The following TRIM8 variants were observed in gnomAD, a reference collection of about 807,000 sequenced individuals.
TRIM8 encodes E3 ubiquitin-protein ligase TRIM8.
TRIM8 carries 9 observed loss-of-function variants against 55.7 expected under a neutral mutation model. The observed-to-expected ratio is 0.16, with a 90% CI of 0.10 to 0.28. The LOEUF (loss-of-function observed/expected upper bound fraction) is 0.28, where lower values mean the gene tolerates loss of function less well. Ranked by LOEUF, TRIM8 falls within the 10% of genes least tolerant of loss-of-function variation. The probability of loss-of-function intolerance (pLI) is 1.00; values close to 1 mark genes in which losing one functional copy is unlikely to be tolerated. For synonymous variants in TRIM8, 335 were observed against 333.3 expected (o/e 1.01, Z -0.06); for missense variants, 556 against 736.4 (o/e 0.76, Z 2.83).
Position 102,645,211 on chromosome 10 carries a change from GCACA to G in TRIM8, c.570+37_570+40del, listed in dbSNP as rs754322583. ...GGGCAAGTACCCTACGCGCGCGCGC[GCACA>G]CACACACACACAGACACACAGTCCC... On this transcript the variant is annotated intron_variant, in intron 1 of 5. Transcript: ENST00000643721. 163 of 1,407,904 alleles carry G rather than the reference GCACA, an allele frequency of 1.2e-4. No homozygotes were observed. In the African/African-American group the frequency reaches 1.8e-3, roughly 15 times the overall value. The allele number at this position is 1,407,904 out of a possible 1,614,324, so 87.2% of individuals were successfully genotyped here.
chr10:102,648,344 T>C (rs931421938), intron 1 of TRIM8, among the ~76,000 whole-genome samples: 1 of 152,114 alleles, frequency 6.6e-6, no homozygotes, highest in African/African-American at 2.4e-5. Context: ...CCTGCAGGTA[T>C]GTGGTGCGTA....
At chr10:102,652,503 A>G (rs2063993161) in intron 1 of TRIM8, among the ~76,000 whole-genome samples, 1 of 152,174 alleles carries the variant, frequency 6.6e-6, no homozygotes, top group African/African-American at 2.4e-5. Flanking sequence ...TAGTTTGTGT[A>G]TGGAACCCAT....
intron 1 of TRIM8, among the ~76,000 whole-genome samples, chr10:102,650,323 T>C (rs1340379876): frequency 6.6e-6 from 1 of 152,090 alleles, no homozygotes; most frequent in Non-Finnish European, 1.5e-5. Context: ...GGTTCGCTGC[T>C]CCAGGCCGGG....
chr10:102,647,960 A>T (rs1228233679), intron 1 of TRIM8, among the ~76,000 whole-genome samples: 1 of 152,144 alleles, frequency 6.6e-6, no homozygotes, highest in Admixed American at 6.5e-5. Context: ...CATCCTGGGG[A>T]ACTACAAGGG....
At chr10:102,654,800 C>G in intron 2 of TRIM8, 52 bp downstream of exon 2, 1 of 1,369,146 alleles carries the variant, frequency 7.3e-7, no homozygotes, top group Non-Finnish European at 1.0e-6. Flanking sequence ...GAGCGCAGGG[C>G]TTTGGGTGAG....
chr10:102,657,570 C>A lies in TRIM8; in HGVS notation c.*216C>A. The A allele has an allele frequency of 1.7e-6, 1 of 586,438 alleles. No homozygotes were observed. Among genetic ancestry groups the A allele is most frequent in the Non-Finnish European group, 2.8e-6 (1 of 357,996 alleles). 36.3% of individuals were successfully genotyped at this position (586,438 alleles called of 1,614,324 possible). A position where few individuals can be genotyped will look rare whatever the true frequency, so the allele number is the denominator to read the frequency against. On this transcript the variant is annotated 3_prime_UTR_variant, in exon 6 of 6. Transcript: ENST00000643721. ...CTGGACGCAGAGGTGACAGTGGGAG[C>A]TGGCCTGGGCCAGGACGGCAGGTGG...
At chr10:102,650,776 C>G (rs1266377370) in intron 1 of TRIM8, among the ~76,000 whole-genome samples, 3 of 152,116 alleles carry the variant, frequency 2.0e-5, no homozygotes, top group Non-Finnish European at 2.9e-5. Context: ...TTAGCCATTC[C>G]CTGGGGAGGC....
Position 102,657,045 on chromosome 10 carries a change from C to T in TRIM8, c.1347C>T (p.Gly449=), listed in dbSNP as rs1281171537. The change falls in exon 6 of 6, where the codon GGC becomes GGT. Residue 449 remains glycine, a synonymous_variant. Transcript: ENST00000643721. ...TCCCCCCATCGCAGTATCCCAATGG[C>T]TCCGCCGCCCAGCAGCCCATGCTCC... ...PVFPPSQYPN[G]SAAQQPMLPQ... is the part of the protein sequence containing the mutation. The T allele has an allele frequency of 6.2e-7, 1 of 1,613,112 alleles. No homozygotes were observed.
intron 1 of TRIM8, among the ~76,000 whole-genome samples, chr10:102,651,919 C>T (rs1351953561): frequency 2.0e-5 from 3 of 152,238 alleles, no homozygotes; most frequent in Non-Finnish European, 4.4e-5. Context: ...GCCAGCATAC[C>T]TGAGGCGGGC....
chr10:102,644,608 C>T lies in TRIM8; in HGVS notation c.-10C>T. 6.2e-7 allele frequency: 1 copy of T among 1,610,048 alleles called. No individual in the cohort carries two copies. The highest frequency in any genetic ancestry group is 8.5e-7 in the Non-Finnish European group (1 of 1,178,794). ...GGGAGGCCTGCCCCGGCCCCCTGCC[C>T]GCGGCCGCCATGGCGGAGAATTGGA... On this transcript the variant is annotated 5_prime_UTR_variant, in exon 1 of 6. Transcript: ENST00000643721.
At chr10:102,651,050 AC>A (rs1240489548) in intron 1 of TRIM8, among the ~76,000 whole-genome samples, 2 of 152,030 alleles carry the variant, frequency 1.3e-5, no homozygotes, top group Non-Finnish European at 2.9e-5. Context: ...AGCAGGCCAG[AC>A]CAGTGCAGCC....
intron 1 of TRIM8, among the ~76,000 whole-genome samples, chr10:102,648,274 A>G (rs1428744472): frequency 6.6e-6 from 1 of 151,794 alleles, no homozygotes; most frequent in Non-Finnish European, 1.5e-5. Context: ...TCCTTATCTC[A>G]TGACCCCCCA....
At chr10:102,648,504 G>A (rs1183140554) in intron 1 of TRIM8, among the ~76,000 whole-genome samples, 4 of 152,186 alleles carry the variant, frequency 2.6e-5, no homozygotes, top group Admixed American at 6.5e-5. Flanking sequence ...AGGTTCTCTG[G>A]GGGAGGAGAT....
Position 102,656,505 on chromosome 10 carries a change from C to A in TRIM8, c.1048+120C>A. ...TGGGAGACCTGTCCTCATATCCAGG[C>A]TTTGCCACTTGTAGCTGTGGGACAG... On this transcript the variant is annotated intron_variant, in intron 5 of 5. Coordinates refer to ENST00000643721, the MANE Select transcript of TRIM8 (RefSeq NM_030912.3). This position sits in a 1 kb window ranked among gnomAD's most constrained non-coding sequence, Gnocchi z 4.6. 1 of 1,447,594 alleles carries A rather than the reference C, an allele frequency of 6.9e-7. No individual in the cohort carries two copies. Among genetic ancestry groups the A allele is most frequent in the Non-Finnish European group, 9.2e-7 (1 of 1,083,530 alleles). 89.7% of individuals were successfully genotyped at this position (1,447,594 alleles called of 1,614,324 possible). A position where few individuals can be genotyped will look rare whatever the true frequency, so the allele number is the denominator to read the frequency against.
Position 102,657,121 on chromosome 10 carries a change from T to C in TRIM8, c.1423T>C (p.Cys475Arg), listed in dbSNP as rs1389358787. Reference protein sequence around the residue: ...ILVCSVDNCYCSSVANHGGHQ... With the variant: ...ILVCSVDNCYRSSVANHGGHQ... The stretch of plus-strand genomic sequence containing the variant: ...CGTCTGTTCTGTGGACAACTGTTAC[T>C]GTTCTTCCGTGGCCAACCATGGCGG... Residue 475 changes from cysteine to arginine, a missense_variant, in exon 6 of 6, where the codon TGT becomes CGT. Cys to Arg is a radical substitution (Grantham distance 180). Coordinates refer to ENST00000643721, the MANE Select transcript of TRIM8 (RefSeq NM_030912.3). 3.1e-6 allele frequency: 5 copies of C among 1,613,920 alleles called. No homozygotes were observed.
intron 3 of TRIM8, 23 bp downstream of exon 3, chr10:102,655,336 C>T (rs1422879722): frequency 1.9e-6 from 3 of 1,596,798 alleles, no homozygotes; most frequent in East Asian, 4.5e-5. Flanking sequence ...CAGGACCAGG[C>T]TGGTGGCACC....
At chr10:102,648,545 C>T (rs1044949946) in intron 1 of TRIM8, among the ~76,000 whole-genome samples, 3 of 152,098 alleles carry the variant, frequency 2.0e-5, no homozygotes, top group African/African-American at 7.2e-5. Context: ...GGGGTTTGCC[C>T]CTGCTTGGAG....
intron 1 of TRIM8, chr10:102,654,290 A>C (rs1362844155): frequency 5.7e-6 from 1 of 175,160 alleles, no homozygotes; most frequent in Admixed American, 5.8e-5. Context: ...CAAAAAAATT[A>C]GCTGGGCGTT....
At position 102,656,411 on chromosome 10, in the gene TRIM8, G is replaced by A; in HGVS notation, c.1048+26G>A. On this transcript the variant is annotated intron_variant, in intron 5 of 5. Transcript: ENST00000643721. This position sits in a 1 kb window ranked among gnomAD's most constrained non-coding sequence, Gnocchi z 4.6. ...GTGAGGGTGGGGTGTTCCGCCGAAGGGAGACAGGGACCTTTGGGGAGGGGT... is the reference window on the plus strand; with the variant it reads ...GTGAGGGTGGGGTGTTCCGCCGAAGAGAGACAGGGACCTTTGGGGAGGGGT... 6.3e-7 allele frequency: 1 copy of A among 1,594,834 alleles called. No homozygotes were observed.
Sources: gnomAD v4.1 joint callset for allele counts (sites outside exome capture counted in the v4.1 genomes callset) on GRCh38, gnomAD v4.1.1 for gene constraint, Gnocchi (gnomAD v3.1) non-coding constraint, MANE v1.5 for transcripts, NCBI Gene and HGNC (gene_info 2026-07-23, HGNC 2026-07-21) for gene names.